The following NDUFAF2 variants were observed in gnomAD, a reference collection of about 807,000 sequenced individuals.
The protein encoded by NDUFAF2 is NADH dehydrogenase [ubiquinone] 1 alpha subcomplex assembly factor 2.
NDUFAF2 carries 13 observed loss-of-function variants against 22.8 expected under a neutral mutation model. The observed-to-expected ratio is 0.57, with a 90% CI of 0.37 to 0.91. NDUFAF2 has a LOEUF of 0.91. Ranked by LOEUF, NDUFAF2 falls within the 40% of genes least tolerant of loss-of-function variation. The probability of loss-of-function intolerance (pLI) is 0.01; values close to 1 mark genes in which losing one functional copy is unlikely to be tolerated. For missense variants in NDUFAF2, 162 were observed against 195.2 expected (o/e 0.83, Z 1.01); for synonymous variants, 53 against 64.2 (o/e 0.83, Z 0.84).
rs199591129 is a variant in NDUFAF2, at chr5:60,945,222, C to T, written c.-34C>T. Reference sequence around the variant, plus strand: ...GGAGCATTACCCCTACTGCGGGTCCCGCTGCTGGCAGCGCTGGAAACTGGG... The same window carrying T: ...GGAGCATTACCCCTACTGCGGGTCCTGCTGCTGGCAGCGCTGGAAACTGGG... On this transcript the variant is annotated 5_prime_UTR_variant, in exon 1 of 4. Transcript: ENST00000296597. 4 of 1,608,778 alleles carry T rather than the reference C, an allele frequency of 2.5e-6. No individual in the cohort carries two copies. The highest frequency in any genetic ancestry group is 4.5e-5 in the East Asian group (2 of 44,702).
intron 1 of NDUFAF2, among the ~76,000 whole-genome samples, chr5:61,072,265 G>T (rs1752309168): frequency 6.6e-6 from 1 of 152,146 alleles, no homozygotes; most frequent in Non-Finnish European, 1.5e-5. Flanking sequence ...CCAAACCAAT[G>T]ACCAGTTTTG....
intron 1 of NDUFAF2, among the ~76,000 whole-genome samples, chr5:60,946,506 A>C (rs1454470167): frequency 6.6e-6 from 1 of 152,156 alleles, no homozygotes; most frequent in Admixed American, 6.5e-5. Flanking sequence ...CAGGCAGGGA[A>C]TATGTCTCAC....
chr5:61,083,750 C>G (rs1752473464), intron 2 of NDUFAF2, among the ~76,000 whole-genome samples: 1 of 151,498 alleles, frequency 6.6e-6, no homozygotes, highest in Non-Finnish European at 1.5e-5. Context: ...TTTTTTGGTG[C>G]TATTGCTAGT....
chr5:61,138,213 G>A (rs1054745342), intron 3 of NDUFAF2, among the ~76,000 whole-genome samples: 2 of 152,122 alleles, frequency 1.3e-5, no homozygotes, highest in African/African-American at 2.4e-5. Context: ...GGCATGAAAG[G>A]TCACTCTGAT....
At chr5:60,980,404 A>G (rs1750961137) in intron 1 of NDUFAF2, among the ~76,000 whole-genome samples, 1 of 152,188 alleles carries the variant, frequency 6.6e-6, no homozygotes, top group African/African-American at 2.4e-5. Context: ...GACATGATGT[A>G]ATCCTATTCC....
At chr5:61,137,970 C>T (rs1166330497) in intron 3 of NDUFAF2, among the ~76,000 whole-genome samples, 1 of 152,196 alleles carries the variant, frequency 6.6e-6, no homozygotes, top group Non-Finnish European at 1.5e-5. Flanking sequence ...TGCCTGCCTG[C>T]CTTATTCAGT....
chr5:61,044,656 G>A (rs1751924191), intron 1 of NDUFAF2, among the ~76,000 whole-genome samples: 1 of 152,000 alleles, frequency 6.6e-6, no homozygotes, highest in South Asian at 2.1e-4. Flanking sequence ...TTTATTTTGG[G>A]GTTCTGTTTT....
At chr5:61,107,294 G>A (rs1221120267) in intron 3 of NDUFAF2, among the ~76,000 whole-genome samples, 1 of 151,276 alleles carries the variant, frequency 6.6e-6, no homozygotes, top group Admixed American at 6.6e-5. Flanking sequence ...GGGGTGACGT[G>A]ATATCTCGTT....
At chr5:61,094,855 G>A (rs1752619045) in intron 2 of NDUFAF2, among the ~76,000 whole-genome samples, 1 of 152,142 alleles carries the variant, frequency 6.6e-6, no homozygotes, top group African/African-American at 2.4e-5. Context: ...TCCTTCCCAG[G>A]GAGATACAGA....
chr5:61,029,019 TAC>T (rs1221333003), intron 1 of NDUFAF2, among the ~76,000 whole-genome samples: 1 of 151,496 alleles, frequency 6.6e-6, no homozygotes, highest in Non-Finnish European at 1.5e-5. Flanking sequence ...TATAAAACTG[TAC>T]AGACCACTTT....
At chr5:60,999,915 G>A (rs1357115552) in intron 1 of NDUFAF2, among the ~76,000 whole-genome samples, 1 of 151,974 alleles carries the variant, frequency 6.6e-6, no homozygotes, top group Non-Finnish European at 1.5e-5. Context: ...TTTGTTGTTT[G>A]TGTTTGTTTT....
chr5:61,110,801 TTTC>T (rs1752831129), intron 3 of NDUFAF2, among the ~76,000 whole-genome samples: 1 of 152,108 alleles, frequency 6.6e-6, no homozygotes, highest in South Asian at 2.1e-4. Flanking sequence ...TTCATATTGT[TTTC>T]TTCAAATTTC....
chr5:61,012,606 C>T (rs1052192581), intron 1 of NDUFAF2, among the ~76,000 whole-genome samples: 2 of 151,762 alleles, frequency 1.3e-5, no homozygotes, highest in East Asian at 3.9e-4. Flanking sequence ...CAAGACTTTA[C>T]TATTGAATAT....
intron 1 of NDUFAF2, among the ~76,000 whole-genome samples, chr5:61,067,479 G>A (rs1457335971): frequency 6.6e-6 from 1 of 152,038 alleles, no homozygotes; most frequent in East Asian, 1.9e-4. Context: ...TCCCTACAAA[G>A]GACATGAACT....
At chr5:61,040,279 C>T (rs1321707412) in intron 1 of NDUFAF2, among the ~76,000 whole-genome samples, 10 of 104,144 alleles carry the variant, frequency 9.6e-5, no homozygotes, top group African/African-American at 3.9e-4. Flanking sequence ...CACACACACA[C>T]ACACACACGC....
chr5:61,106,775 C>A (rs1237167833), intron 3 of NDUFAF2, among the ~76,000 whole-genome samples: 1 of 150,948 alleles, frequency 6.6e-6, no homozygotes, highest in Admixed American at 6.6e-5. Flanking sequence ...TGAGTGAGAA[C>A]ATGTGAAGGT....
chr5:60,945,471 G>C, intron 1 of NDUFAF2, 89 bp downstream of exon 1: 1 of 1,561,784 alleles, frequency 6.4e-7, no homozygotes, highest in Non-Finnish European at 8.8e-7. Context: ...GTCAACTAAC[G>C]CATCATGCGA....
At chr5:61,009,753 T>C (rs964334701) in intron 1 of NDUFAF2, among the ~76,000 whole-genome samples, 1 of 152,048 alleles carries the variant, frequency 6.6e-6, no homozygotes, top group Non-Finnish European at 1.5e-5. Context: ...GCAAATCAGA[T>C]CCATTCTCCC....
intron 1 of NDUFAF2, among the ~76,000 whole-genome samples, chr5:60,988,359 C>T (rs1751111112): frequency 6.6e-6 from 1 of 152,076 alleles, no homozygotes; most frequent in South Asian, 2.1e-4. Context: ...TACTCCTCAA[C>T]ACAATTTGCG....
Sources: allele counts gnomAD v4.1 joint callset (sites outside exome capture counted in the v4.1 genomes callset), GRCh38; gene constraint gnomAD v4.1.1; transcripts MANE v1.5; gene names NCBI Gene and HGNC (gene_info 2026-07-23, HGNC 2026-07-21).